GPR158: variants seen among roughly 807,000 people sequenced by gnomAD.
The protein encoded by GPR158 is metabotropic glycine receptor.
A neutral mutation model predicts 78.2 loss-of-function variants in GPR158; 30 were observed. The observed-to-expected ratio is 0.38, with a 90% CI of 0.29 to 0.52. The LOEUF (loss-of-function observed/expected upper bound fraction) is 0.52, where lower values mean the gene tolerates loss of function less well. Among genes scored for constraint, GPR158 ranks in the 20% least tolerant of loss-of-function variants. The pLI is 0.83. For synonymous variants in GPR158, 581 were observed against 591.1 expected, an observed-to-expected ratio of 0.98 and a Z score of 0.25; for missense variants, 1,463 against 1,523.5, an observed-to-expected ratio of 0.96 and a Z score of 0.66.
At chr10:25,553,761 T>A (rs187968935) in intron 6 of GPR158, among the ~76,000 whole-genome samples, 10 of 152,286 alleles carry the variant, frequency 6.6e-5, no homozygotes, top group Non-Finnish European at 1.5e-5. Context: ...TAAGCTTTTG[T>A]GATGACATGA....
chr10:25,597,048 A>G (rs1415649233), intron 10 of GPR158, among the ~76,000 whole-genome samples: 1 of 152,242 alleles, frequency 6.6e-6, no homozygotes, highest in African/African-American at 2.4e-5. Flanking sequence ...CAACCTCAGT[A>G]GTCTTAACTG....
At chr10:25,389,321 G>A (rs897407618) in intron 2 of GPR158, among the ~76,000 whole-genome samples, 1 of 151,968 alleles carries the variant, frequency 6.6e-6, no homozygotes, top group African/African-American at 2.4e-5. Context: ...CCCACCCCAG[G>A]GTCTCCTCTT....
intron 1 of GPR158, among the ~76,000 whole-genome samples, chr10:25,207,395 A>G (rs1853057319): frequency 6.6e-6 from 1 of 152,126 alleles, no homozygotes; most frequent in South Asian, 2.1e-4. Context: ...GTGGTCCCCA[A>G]CGTTTTTGGC....
chr10:25,281,939 A>G (rs1284525304), intron 2 of GPR158, among the ~76,000 whole-genome samples: 1 of 152,222 alleles, frequency 6.6e-6, no homozygotes, highest in African/African-American at 2.4e-5. Flanking sequence ...AGAAAGAATG[A>G]TTTGAATTTT....
chr10:25,336,778 T>C (rs1030959607), intron 2 of GPR158, among the ~76,000 whole-genome samples: 4 of 150,550 alleles, frequency 2.7e-5, no homozygotes, highest in African/African-American at 9.8e-5. Flanking sequence ...GGTAAAAGAG[T>C]GAGATGAAGG....
chr10:25,443,111 G>T (rs1835090272), intron 4 of GPR158, among the ~76,000 whole-genome samples: 2 of 151,844 alleles, frequency 1.3e-5, no homozygotes, highest in South Asian at 2.1e-4. Context: ...AAGAGACAGG[G>T]TATTACTAGG....
chr10:25,337,024 C>T (rs1173245396), intron 2 of GPR158, among the ~76,000 whole-genome samples: 2 of 152,012 alleles, frequency 1.3e-5, no homozygotes, highest in Non-Finnish European at 2.9e-5. Context: ...TAATTTATAA[C>T]TGTAGGATTC....
intron 6 of GPR158, among the ~76,000 whole-genome samples, chr10:25,551,718 T>G (rs142573910): frequency 4.6e-5 from 7 of 152,276 alleles, no homozygotes; most frequent in African/African-American, 1.7e-4. Context: ...GGCTGGAAAT[T>G]ATTCCGGGGC....
chr10:25,510,200 C>A (rs1247390158), intron 5 of GPR158, among the ~76,000 whole-genome samples: 1 of 152,130 alleles, frequency 6.6e-6, no homozygotes, highest in African/African-American at 2.4e-5. Flanking sequence ...GAGTTGGACG[C>A]TTGAATAACA....
chr10:25,214,117 C>T (rs1332439060), intron 1 of GPR158, among the ~76,000 whole-genome samples: 2 of 152,070 alleles, frequency 1.3e-5, no homozygotes, highest in Admixed American at 6.6e-5. Flanking sequence ...GCCTCAGCTT[C>T]CCGAGTAGCT....
At chr10:25,554,886 G>C (rs1836767433) in intron 6 of GPR158, among the ~76,000 whole-genome samples, 2 of 152,070 alleles carry the variant, frequency 1.3e-5, no homozygotes, top group Non-Finnish European at 2.9e-5. Flanking sequence ...AATTCTCACA[G>C]ACATTTGGAA....
intron 2 of GPR158, among the ~76,000 whole-genome samples, chr10:25,387,052 T>C (rs1576317): frequency 0.64 from 97,928 of 151,900 alleles, 32,539 homozygotes; most frequent in Non-Finnish European, 0.73. Context: ...CACCTTGTAC[T>C]TGAGCTTAGA....
chr10:25,417,350 A>G (rs371611889), intron 4 of GPR158, among the ~76,000 whole-genome samples: 16 of 152,284 alleles, frequency 1.1e-4, no homozygotes, highest in East Asian at 7.7e-4. Context: ...AGGTACTTTT[A>G]GAGTGTCTAG....
intron 5 of GPR158, among the ~76,000 whole-genome samples, chr10:25,485,855 T>C (rs183604763): frequency 3.3e-5 from 5 of 152,248 alleles, no homozygotes; most frequent in Admixed American, 3.3e-4. Flanking sequence ...AAAATTCATG[T>C]TGAAAACCTA....
intron 2 of GPR158, among the ~76,000 whole-genome samples, chr10:25,385,152 G>A (rs1591250): frequency 0.71 from 107,166 of 151,824 alleles, 38,790 homozygotes; most frequent in African/African-American, 0.77. Flanking sequence ...GGAAAACACC[G>A]TTCCACTTTC....
intron 4 of GPR158, among the ~76,000 whole-genome samples, chr10:25,444,537 G>A (rs1835113627): frequency 6.6e-6 from 1 of 151,544 alleles, no homozygotes; most frequent in African/African-American, 2.4e-5. Context: ...GTGGAAGTGT[G>A]TGTGTGGTGT....
At chr10:25,422,704 T>C (rs1834767306) in intron 4 of GPR158, among the ~76,000 whole-genome samples, 1 of 151,984 alleles carries the variant, frequency 6.6e-6, no homozygotes. Context: ...TTTCTTGTGT[T>C]ATTATTTTTT....
intron 4 of GPR158, among the ~76,000 whole-genome samples, chr10:25,450,004 GA>G (rs111752868): frequency 3.4e-5 from 5 of 148,448 alleles, no homozygotes; most frequent in Admixed American, 1.3e-4. Context: ...AAAATGATCA[GA>G]AAAAAAAAAC....
At chr10:25,563,915 G>A (rs558068434) in intron 6 of GPR158, among the ~76,000 whole-genome samples, 25 of 151,394 alleles carry the variant, frequency 1.7e-4, no homozygotes, top group Middle Eastern at 3.4e-3. Flanking sequence ...TTCTTTTTTC[G>A]TGCTTATGGA....
Sources: allele counts gnomAD v4.1 joint callset (sites outside exome capture counted in the v4.1 genomes callset), GRCh38; gene constraint gnomAD v4.1.1; transcripts MANE v1.5; gene names NCBI Gene and HGNC (gene_info 2026-07-23, HGNC 2026-07-21).